The following PTBP2 variants were observed in gnomAD, a reference collection of about 807,000 sequenced individuals.
The protein encoded by PTBP2 is polypyrimidine tract binding protein 2.
Under a neutral mutation model 61.4 loss-of-function variants are expected in PTBP2, and 13 were observed. The observed-to-expected ratio is 0.21, with a 90% CI of 0.14 to 0.34. PTBP2 has a LOEUF of 0.34. Ranked by LOEUF, PTBP2 falls within the 10% of genes least tolerant of loss-of-function variation. The probability of loss-of-function intolerance (pLI) is 1.00; values close to 1 mark genes in which losing one functional copy is unlikely to be tolerated. For synonymous variants in PTBP2, 215 were observed against 218.5 expected, an observed-to-expected ratio of 0.98 and a Z score of 0.14; for missense variants, 405 against 642.6, an observed-to-expected ratio of 0.63 and a Z score of 4.00.
At chr1:96,764,989 G>GAAACAGCCAACAGA (rs1656502775) in intron 3 of PTBP2, among the ~76,000 whole-genome samples, 1 of 152,178 alleles carries the variant, frequency 6.6e-6, no homozygotes, top group African/African-American at 2.4e-5. Flanking sequence ...GGCTGTTGCA[G>GAAACAGCCAACAGA]AAACAGCCAA....
intron 3 of PTBP2, among the ~76,000 whole-genome samples, chr1:96,763,156 C>T (rs1656215307): frequency 6.6e-6 from 1 of 152,164 alleles, no homozygotes. Context: ...CAGAGACGCT[C>T]CTCACTTCCC....
At position 96,770,689 on chromosome 1, in the gene PTBP2, G is replaced by A; in HGVS notation, c.289-19G>A. ...ATTTGAATTTATAGTATTAAAAATT[G>A]TGCTACTTAAATTTTCAGGCATTTT... On this transcript the variant is annotated intron_variant, in intron 4 of 13. Coordinates refer to ENST00000674951, the MANE Select transcript of PTBP2 (RefSeq NM_021190.4). 1 of 1,594,548 alleles carries A rather than the reference G, an allele frequency of 6.3e-7. No homozygotes were observed. Among genetic ancestry groups the A allele is most frequent in the African/African-American group, 1.3e-5 (1 of 74,380 alleles).
At chr1:96,757,320 T>G (rs1299650821) in intron 3 of PTBP2, among the ~76,000 whole-genome samples, 6 of 149,564 alleles carry the variant, frequency 4.0e-5, no homozygotes, top group Non-Finnish European at 8.8e-5. Context: ...ATTATATTAC[T>G]AGACAGAAAA....
intron 2 of PTBP2, among the ~76,000 whole-genome samples, chr1:96,749,392 A>G (rs1654252765): frequency 6.6e-6 from 1 of 152,220 alleles, no homozygotes; most frequent in Non-Finnish European, 1.5e-5. Context: ...TATATTTTTG[A>G]AAACTAGGAG....
At chr1:96,750,483 C>G (rs1654401584) in intron 2 of PTBP2, among the ~76,000 whole-genome samples, 1 of 151,266 alleles carries the variant, frequency 6.6e-6, no homozygotes, top group Non-Finnish European at 1.5e-5. Context: ...GTTTACTCTT[C>G]TCATATTTGT....
intron 5 of PTBP2, among the ~76,000 whole-genome samples, chr1:96,775,345 C>G (rs946187452): frequency 6.6e-6 from 1 of 152,190 alleles, no homozygotes; most frequent in East Asian, 1.9e-4. Context: ...CAAGAAAGTT[C>G]ATGGAACACT....
At chr1:96,777,053 G>A (rs1278749940) in intron 5 of PTBP2, among the ~76,000 whole-genome samples, 1 of 152,004 alleles carries the variant, frequency 6.6e-6, no homozygotes, top group African/African-American at 2.4e-5. Context: ...TAGACTACAC[G>A]TTGGTTTCTA....
At chr1:96,777,249 T>C (rs1016995972) in intron 5 of PTBP2, among the ~76,000 whole-genome samples, 2 of 152,196 alleles carry the variant, frequency 1.3e-5, no homozygotes, top group African/African-American at 4.8e-5. Flanking sequence ...AGTTGTATTC[T>C]CTAAATTTCT....
intron 11 of PTBP2, among the ~76,000 whole-genome samples, chr1:96,809,799 A>G (rs1661871894): frequency 6.6e-6 from 1 of 152,152 alleles, no homozygotes; most frequent in Non-Finnish European, 1.5e-5. Context: ...TACAAATTAG[A>G]TATATGTGGT....
chr1:96,751,516 T>G lies in PTBP2; in HGVS notation c.115+16T>G. On this transcript the variant is annotated intron_variant, in intron 3 of 13. Coordinates refer to ENST00000674951, the MANE Select transcript of PTBP2 (RefSeq NM_021190.4). ...GTAGTTACAGGTAAGTGTTACTCTC[T>G]TAGCAGTCTGTCATTTGCCATTTTA... The G allele has an allele frequency of 6.3e-7, 1 of 1,592,988 alleles. No homozygotes were observed. Among genetic ancestry groups the G allele is most frequent in the South Asian group, 1.1e-5 (1 of 88,832 alleles).
At chr1:96,775,399 C>A (rs1041926769) in intron 5 of PTBP2, among the ~76,000 whole-genome samples, 1 of 152,124 alleles carries the variant, frequency 6.6e-6, no homozygotes, top group East Asian at 1.9e-4. Flanking sequence ...AAATGTTCAA[C>A]AGCAGCAGAA....
chr1:96,771,094 T>C (rs998703647), intron 5 of PTBP2: 34 of 317,122 alleles, frequency 1.1e-4, no homozygotes, highest in Middle Eastern at 9.1e-4. Context: ...TAGAAACTTA[T>C]CAGGTAGGAT....
chr1:96,721,993 C>T, intron 1 of PTBP2, 121 bp downstream of exon 1: 1 of 1,306,588 alleles, frequency 7.7e-7, no homozygotes, highest in South Asian at 1.3e-5. Flanking sequence ...TGCCGTTACC[C>T]AACCCCCGCC....
rs1182407730 is a variant in PTBP2, at chr1:96,804,857, C to T, written c.962C>T (p.Ala321Val). Residue 321 changes from alanine to valine, a missense_variant, in exon 9 of 14, where the codon GCA becomes GTA. By Grantham distance (64) the Ala-to-Val change is moderately conservative. Around this residue, in one of 4 missense-constraint regions of PTBP2, gnomAD observed 342 missense variants for 491.2 expected, o/e 0.70. Coordinates refer to ENST00000674951, the MANE Select transcript of PTBP2 (RefSeq NM_021190.4). ...AIPNAAAAAAAAAAGRVGMPG... is the reference protein window; with the variant it reads ...AIPNAAAAAAVAAAGRVGMPG... Reference sequence around the variant, plus strand: ...CCAAATGCTGCTGCAGCAGCTGCTGCAGCTGCTGCTGGCCGAGTGGGTATG... The same window carrying T: ...CCAAATGCTGCTGCAGCAGCTGCTGTAGCTGCTGCTGGCCGAGTGGGTATG... 1 of 1,611,688 alleles carries T rather than the reference C, an allele frequency of 6.2e-7. No homozygotes were observed. Among genetic ancestry groups the T allele is most frequent in the South Asian group, 1.1e-5 (1 of 90,892 alleles).
chr1:96,727,093 T>A (rs975263649), intron 2 of PTBP2, among the ~76,000 whole-genome samples: 2 of 152,146 alleles, frequency 1.3e-5, no homozygotes, highest in African/African-American at 2.4e-5. Flanking sequence ...ACCACTGATC[T>A]GCTTTCTGTC....
In PTBP2 at chr1:96,767,512, C is replaced by T. The variant is rs367673616; in HGVS notation, c.116-2191C>T. On this transcript the variant is annotated intron_variant, in intron 3 of 13. Transcript: ENST00000674951. ...TAGGTTGGATTGTGAAGTATTTGTT[C>T]TCGTTATTCAAACAAACTAATGAAC... 3.3e-5 allele frequency among the ~76,000 whole-genome samples: 5 copies of T among 152,072 alleles called. No individual in the cohort carries two copies. In the East Asian group the frequency reaches 7.7e-4, roughly 24 times the overall value.
chr1:96,807,209 T>A (rs1661581179), intron 11 of PTBP2, among the ~76,000 whole-genome samples: 1 of 152,224 alleles, frequency 6.6e-6, no homozygotes, highest in Non-Finnish European at 1.5e-5. Context: ...AATAATAGTT[T>A]CACATGAGAA....
At chr1:96,791,840 T>TTTTTG (rs1659864965) in intron 8 of PTBP2, among the ~76,000 whole-genome samples, 2 of 139,668 alleles carry the variant, frequency 1.4e-5, no homozygotes, top group Middle Eastern at 3.6e-3. Context: ...TTTTTTTTTT[T>TTTTTG]TTTTTTTTTG....
chr1:96,802,091 G>T (rs1661054383), intron 8 of PTBP2, among the ~76,000 whole-genome samples: 1 of 150,200 alleles, frequency 6.7e-6, no homozygotes, highest in Non-Finnish European at 1.5e-5. Context: ...GGCGCCTGTA[G>T]TCCCAGCTAC....
Sources: allele counts gnomAD v4.1 joint callset (sites outside exome capture counted in the v4.1 genomes callset), GRCh38; gene constraint gnomAD v4.1.1; regional missense constraint gnomAD v4.1.1; transcripts MANE v1.5; gene names NCBI Gene and HGNC (gene_info 2026-07-23, HGNC 2026-07-21).